TIAM2: variants seen among roughly 807,000 people sequenced by gnomAD.
The protein encoded by TIAM2 is rho guanine nucleotide exchange factor TIAM2.
A neutral mutation model predicts 152.9 loss-of-function variants in TIAM2; 80 were observed. The observed-to-expected ratio is 0.52, with a 90% confidence interval of 0.44 to 0.63. The LOEUF (loss-of-function observed/expected upper bound fraction) is 0.63. Among genes scored for constraint, TIAM2 ranks in the 30% least tolerant of loss-of-function variants. The pLI is 0.00. For synonymous variants in TIAM2, 804 were observed against 838.0 expected (o/e 0.96, Z 0.70); for missense variants, 1,965 against 2,120.1 (o/e 0.93, Z 1.44).
chr6:155,132,481 G>A (rs931311), intron 4 of TIAM2, among the ~76,000 whole-genome samples: 151,851 of 151,864 alleles, frequency 1, 75,919 homozygotes, highest in Middle Eastern at 1. Flanking sequence ...TGTTTTCAGG[G>A]CCTCTTCATA....
chr6:155,179,357 T>C, intron 11 of TIAM2, 21 bp from the exon 12 acceptor site: 1 of 1,611,588 alleles, frequency 6.2e-7, no homozygotes, highest in Non-Finnish European at 8.5e-7. Flanking sequence ...CCTCTGATTT[T>C]GTTGTTTTCA....
chr6:155,164,162 A>G (rs1341069023), intron 7 of TIAM2, among the ~76,000 whole-genome samples: 1 of 74,988 alleles, frequency 1.3e-5, no homozygotes, highest in Non-Finnish European at 3.0e-5. Flanking sequence ...TTTAGTAGAG[A>G]TGGAGTTTCA....
intron 1 of TIAM2, among the ~76,000 whole-genome samples, chr6:155,055,741 T>TG (rs1777430701): frequency 6.6e-6 from 1 of 152,096 alleles, no homozygotes; most frequent in Admixed American, 6.5e-5. Context: ...GTGGGAGGAT[T>TG]GCTTGAGGTC....
chr6:155,146,213 C>T lies in TIAM2; in HGVS notation c.1803+1435C>T, dbSNP rs186463818. Reference sequence around the variant, plus strand: ...TCAGCATAGCGAGGCCCCATCTCTACGAAAGAACAATAAAAAAATTAGCCA... The same window carrying T: ...TCAGCATAGCGAGGCCCCATCTCTATGAAAGAACAATAAAAAAATTAGCCA... On this transcript the variant is annotated intron_variant, in intron 6 of 26. Coordinates refer to ENST00000682666, the MANE Select transcript of TIAM2 (RefSeq NM_012454.4). 2.6e-4 allele frequency among the ~76,000 whole-genome samples: 40 copies of T among 152,066 alleles called. No homozygotes were observed. In the East Asian group the frequency reaches 6.2e-3, roughly 24 times the overall value.
chr6:155,055,898 G>A (rs752975872), intron 1 of TIAM2, among the ~76,000 whole-genome samples: 11 of 151,968 alleles, frequency 7.2e-5, no homozygotes, highest in Non-Finnish European at 1.5e-4. Context: ...GGAGTTTGAG[G>A]CTATATTGAG....
At chr6:155,004,416 A>C (rs1778364696) in intron 1 of TIAM2, among the ~76,000 whole-genome samples, 1 of 152,020 alleles carries the variant, frequency 6.6e-6, no homozygotes, top group South Asian at 2.1e-4. Context: ...TTTTAGATGG[A>C]GTCTTGCTCT....
chr6:155,236,599 G>C (rs952099945), intron 15 of TIAM2, among the ~76,000 whole-genome samples: 1 of 152,164 alleles, frequency 6.6e-6, no homozygotes, highest in Non-Finnish European at 1.5e-5. Context: ...GGAGGCAGAG[G>C]TTGCAGTGAG....
At chr6:155,217,884 G>A (rs771253549) in intron 15 of TIAM2, among the ~76,000 whole-genome samples, 1 of 152,178 alleles carries the variant, frequency 6.6e-6, no homozygotes, top group African/African-American at 2.4e-5. Context: ...AGTGTACAGC[G>A]TGAACAAAAC....
At chr6:155,139,312 G>A (rs2115052051) in intron 5 of TIAM2, among the ~76,000 whole-genome samples, 1 of 152,302 alleles carries the variant, frequency 6.6e-6, no homozygotes, top group African/African-American at 2.4e-5. Flanking sequence ...ACTTGCAAAG[G>A]CATTTCATAT....
intron 1 of TIAM2, among the ~76,000 whole-genome samples, chr6:155,036,629 T>A (rs901915804): frequency 4.0e-5 from 6 of 149,128 alleles, no homozygotes; most frequent in African/African-American, 1.5e-4. Context: ...TATTTATTAT[T>A]TTTTTGAGAT....
chr6:155,217,945 T>G (rs1014603293), intron 15 of TIAM2, among the ~76,000 whole-genome samples: 3 of 151,390 alleles, frequency 2.0e-5, no homozygotes, highest in South Asian at 4.2e-4. Flanking sequence ...ACCTTTTGAG[T>G]TTTTTTTTGT....
intron 1 of TIAM2, among the ~76,000 whole-genome samples, chr6:155,071,911 AAG>A (rs1777848081): frequency 2.0e-5 from 3 of 151,454 alleles, no homozygotes; most frequent in Admixed American, 2.0e-4. Flanking sequence ...AAAAAAAAAA[AAG>A]TAATAAAATA....
chr6:155,256,452 T>C, intron 26 of TIAM2, 32 bp from the exon 27 acceptor site: 2 of 1,613,748 alleles, frequency 1.2e-6, no homozygotes, highest in Non-Finnish European at 1.7e-6. Context: ...CCTGTTTCTG[T>C]ATCACAGCGA....
chr6:155,057,695 G>A (rs1412761460), intron 1 of TIAM2, among the ~76,000 whole-genome samples: 1 of 151,742 alleles, frequency 6.6e-6, no homozygotes, highest in East Asian at 1.9e-4. Flanking sequence ...GCAGATACAT[G>A]CCACCATGCC....
chr6:155,195,945 T>C (rs1377345712), intron 14 of TIAM2, among the ~76,000 whole-genome samples: 1 of 152,124 alleles, frequency 6.6e-6, no homozygotes, highest in East Asian at 1.9e-4. Flanking sequence ...CAGGCTGACC[T>C]CAAAGACCAT....
chr6:155,222,103 G>A (rs1441034047), intron 15 of TIAM2, among the ~76,000 whole-genome samples: 13 of 151,964 alleles, frequency 8.6e-5, no homozygotes, highest in South Asian at 2.1e-4. Flanking sequence ...ACAGGTGCAC[G>A]CCACCATGCC....
intron 14 of TIAM2, among the ~76,000 whole-genome samples, chr6:155,204,417 T>G (rs996052837): frequency 2.0e-5 from 3 of 152,122 alleles, no homozygotes; most frequent in Non-Finnish European, 4.4e-5. Context: ...CCTCACGGCT[T>G]CTGGAGAGGT....
chr6:155,104,698 C>G lies in TIAM2; in HGVS notation c.-118+14319C>G, dbSNP rs939639897. On this transcript the variant is annotated intron_variant, in intron 2 of 26. Coordinates refer to ENST00000682666, the MANE Select transcript of TIAM2 (RefSeq NM_012454.4). ...CTTGAACCCGGGAGGCGGAGGTTGC[C>G]GTGAGCCGAGATCGTGCCTCTGCAC... 2.7e-5 allele frequency among the ~76,000 whole-genome samples: 4 copies of G among 149,358 alleles called. No individual in the cohort carries two copies. In the South Asian group the frequency reaches 6.3e-4, roughly 24 times the overall value.
chr6:155,077,787 A>T (rs1005927039), intron 1 of TIAM2, among the ~76,000 whole-genome samples: 1 of 152,108 alleles, frequency 6.6e-6, no homozygotes, highest in Non-Finnish European at 1.5e-5. Flanking sequence ...GCAGGGGGGA[A>T]ATTAGCTGTA....
Sources: allele counts gnomAD v4.1 joint callset (sites outside exome capture counted in the v4.1 genomes callset), GRCh38; gene constraint gnomAD v4.1.1; transcripts MANE v1.5; gene names NCBI Gene and HGNC (gene_info 2026-07-23, HGNC 2026-07-21).